Variants in CDYL observed in about 807,000 individuals in gnomAD.
CDYL encodes the protein chromodomain Y-like protein.
A neutral mutation model predicts 47.3 loss-of-function variants in CDYL; 8 were observed. The ratio of observed to expected loss-of-function variants is 0.17; its 90% confidence interval spans 0.10 to 0.31. The LOEUF (loss-of-function observed/expected upper bound fraction) is 0.31. Among genes scored for constraint, CDYL ranks in the 10% least tolerant of loss-of-function variants. The pLI is 1.00. For missense variants in CDYL, 471 were observed against 701.4 expected (o/e 0.67, Z 3.71); for synonymous variants, 266 against 265.0 (o/e 1.00, Z -0.04).
chr6:4,955,419 T>C lies in CDYL; in HGVS notation c.*1363T>C, dbSNP rs1758839711. 1 of 152,694 alleles carries C rather than the reference T, an allele frequency of 6.5e-6. No homozygotes were observed. The highest frequency in any genetic ancestry group is 1.5e-5 in the Non-Finnish European group (1 of 68,062). 9.5% of individuals were successfully genotyped at this position (152,694 alleles called of 1,614,324 possible). On this transcript the variant is annotated 3_prime_UTR_variant, in exon 7 of 7. Coordinates refer to ENST00000397588, the MANE Select transcript of CDYL (RefSeq NM_004824.4). ...GATTGATTGGTACAGTATTTTTGCA[T>C]CTGTGGGACCTACCTTTTCGTTCAG...
At chr6:4,787,324 A>T (rs1758781790) in intron 1 of CDYL, among the ~76,000 whole-genome samples, 2 of 152,126 alleles carry the variant, frequency 1.3e-5, no homozygotes, top group Admixed American at 6.5e-5. Flanking sequence ...TCAGAGTCAG[A>T]GTTTCCCCAG....
chr6:4,950,931 CA>C (rs11434312), intron 5 of CDYL, among the ~76,000 whole-genome samples: 54 of 124,418 alleles, frequency 4.3e-4, no homozygotes, highest in East Asian at 1.1e-3. Flanking sequence ...GACTCCGTCT[CA>C]AAAAAAAAAA....
At chr6:4,724,228 A>G (rs565910793) in intron 2 of CDYL, among the ~76,000 whole-genome samples, 2 of 150,970 alleles carry the variant, frequency 1.3e-5, no homozygotes, top group East Asian at 3.9e-4. Flanking sequence ...TTTTTTTTTT[A>G]AGTAGAGACA....
rs1195417542 is a variant in CDYL, at chr6:4,852,416, TCTTCCTTCCTTCCTC to T, written c.25-39282_25-39268del. On this transcript the variant is annotated intron_variant, in intron 1 of 6. Coordinates refer to ENST00000397588, the MANE Select transcript of CDYL (RefSeq NM_004824.4). ...TTCCTTCCTCCTTCCTTCCTTCCAA[TCTTCCTTCCTTCCTC>T]CTTCCTTCCTTCCTTCCAATCTTCC... 1.1e-3 allele frequency among the ~76,000 whole-genome samples: 143 copies of T among 128,200 alleles called. 6 individuals are homozygous for T. Among genetic ancestry groups the T allele is most frequent in the African/African-American group, 4.2e-3 (133 of 31,932 alleles). 84.1% of individuals were successfully genotyped at this position (128,200 alleles called of 152,430 possible).
At chr6:4,857,760 A>G (rs76566974) in intron 1 of CDYL, among the ~76,000 whole-genome samples, 1 of 152,210 alleles carries the variant, frequency 6.6e-6, no homozygotes, top group Non-Finnish European at 1.5e-5. Context: ...CGCTTCTCAG[A>G]AAGCTCTGTT....
At chr6:4,744,665 A>T (rs1346341052) in intron 3 of CDYL, among the ~76,000 whole-genome samples, 4 of 152,128 alleles carry the variant, frequency 2.6e-5, no homozygotes, top group African/African-American at 9.7e-5. Flanking sequence ...ATCTCTAAAA[A>T]CCTTATGAGG....
intron 1 of CDYL, among the ~76,000 whole-genome samples, chr6:4,839,217 C>T (rs888804849): frequency 6.6e-6 from 1 of 152,076 alleles, no homozygotes; most frequent in Non-Finnish European, 1.5e-5. Context: ...ATTTGTATAT[C>T]TTCTTTTGAG....
chr6:4,753,322 G>T (rs192717235), intron 3 of CDYL, among the ~76,000 whole-genome samples: 1 of 152,254 alleles, frequency 6.6e-6, no homozygotes, highest in African/African-American at 2.4e-5. Context: ...CCACCTGCAT[G>T]CTAAACTGTA....
chr6:4,907,951 G>GC (rs1207169822), intron 2 of CDYL, among the ~76,000 whole-genome samples: 3 of 151,988 alleles, frequency 2.0e-5, no homozygotes, highest in East Asian at 3.9e-4. Context: ...CCACAGTTTG[G>GC]CCCCCCTTGA....
chr6:4,947,871 T>C (rs529019364), intron 5 of CDYL, among the ~76,000 whole-genome samples: 1 of 152,248 alleles, frequency 6.6e-6, no homozygotes, highest in Non-Finnish European at 1.5e-5. Flanking sequence ...TTGGCGGCCC[T>C]GGGAAGAGCG....
intron 4 of CDYL, among the ~76,000 whole-genome samples, chr6:4,942,788 T>C (rs1411379406): frequency 6.6e-6 from 1 of 152,222 alleles, no homozygotes; most frequent in African/African-American, 2.4e-5. Flanking sequence ...CTCTGTCCTG[T>C]GCAGAGGCTG....
intron 1 of CDYL, among the ~76,000 whole-genome samples, chr6:4,890,762 G>A (rs1762020379): frequency 6.6e-6 from 1 of 152,186 alleles, no homozygotes; most frequent in Non-Finnish European, 1.5e-5. Flanking sequence ...AGACCTTTGC[G>A]TTCTTAATTA....
chr6:4,814,077 C>A (rs1218146462), intron 1 of CDYL, among the ~76,000 whole-genome samples: 1 of 152,036 alleles, frequency 6.6e-6, no homozygotes, highest in Non-Finnish European at 1.5e-5. Flanking sequence ...CTGCACCTGG[C>A]CAAGTATTTT....
chr6:4,775,810 C>G (rs974941712), upstream of CDYL, among the ~76,000 whole-genome samples: 1 of 150,286 alleles, frequency 6.7e-6, no homozygotes, highest in Admixed American at 6.6e-5. This position sits in a 1 kb window ranked among gnomAD's most constrained non-coding sequence, Gnocchi z 7.0. Context: ...CTGGCCACGC[C>G]GCCGGCCCTT....
chr6:4,731,637 A>T (rs993470857), intron 2 of CDYL, among the ~76,000 whole-genome samples: 1 of 152,128 alleles, frequency 6.6e-6, no homozygotes, highest in Non-Finnish European at 1.5e-5. Context: ...CATCTCTATT[A>T]AAAATACAAT....
At chr6:4,882,321 G>C (rs1465120099) in intron 1 of CDYL, among the ~76,000 whole-genome samples, 1 of 152,220 alleles carries the variant, frequency 6.6e-6, no homozygotes, top group Non-Finnish European at 1.5e-5. Context: ...CTGACATGTT[G>C]ACCAAATTGT....
At chr6:4,933,829 G>T (rs1758103692) in intron 2 of CDYL, among the ~76,000 whole-genome samples, 1 of 152,222 alleles carries the variant, frequency 6.6e-6, no homozygotes. Context: ...AGGATTATGT[G>T]TCACTGTGTT....
At chr6:4,772,259 C>T (rs745617582), upstream of CDYL, among the ~76,000 whole-genome samples, 3 of 152,118 alleles carry the variant, frequency 2.0e-5, no homozygotes, top group Admixed American at 6.5e-5. Context: ...TGATATCTGG[C>T]CAAGGAGCAG....
chr6:4,744,572 A>G (rs1169069417), intron 3 of CDYL, among the ~76,000 whole-genome samples: 1 of 152,190 alleles, frequency 6.6e-6, no homozygotes, highest in Non-Finnish European at 1.5e-5. Context: ...CCAGAGTCCT[A>G]CTACCACTGA....
Sources: allele counts gnomAD v4.1 joint callset (sites outside exome capture counted in the v4.1 genomes callset), GRCh38; gene constraint gnomAD v4.1.1; non-coding constraint Gnocchi (gnomAD v3.1); transcripts MANE v1.5; gene names NCBI Gene and HGNC (gene_info 2026-07-23, HGNC 2026-07-21).